CTNNA3: variants seen among roughly 807,000 people sequenced by gnomAD.
CTNNA3 encodes the protein catenin alpha-3.
In CTNNA3, 76 loss-of-function variants were observed where a neutral mutation model predicts 95.7. The observed-to-expected ratio is 0.79, with a 90% CI of 0.66 to 0.96. The LOEUF is 0.96. Ranked by LOEUF, CTNNA3 falls within the 40% of genes least tolerant of loss-of-function variation. The probability of loss-of-function intolerance (pLI) is 0.00; values close to 1 mark genes in which losing one functional copy is unlikely to be tolerated. For synonymous variants in CTNNA3, 431 were observed against 374.4 expected, an observed-to-expected ratio of 1.15 and a Z score of -1.74; for missense variants, 1,191 against 1,089.8, an observed-to-expected ratio of 1.09 and a Z score of -1.31.
chr10:67,048,555 A>G (rs931725646), intron 7 of CTNNA3, among the ~76,000 whole-genome samples: 6 of 152,048 alleles, frequency 3.9e-5, no homozygotes, highest in Admixed American at 2.6e-4. Context: ...ATATCAAAAT[A>G]CCTTAAGGAC....
upstream of CTNNA3, among the ~76,000 whole-genome samples, chr10:67,700,125 T>G: frequency 6.6e-6 from 1 of 152,052 alleles, no homozygotes; most frequent in Non-Finnish European, 1.5e-5. Context: ...GCCAGGAAGC[T>G]CGAAATGGGT....
At chr10:66,534,167 C>T (rs1035534614) in intron 10 of CTNNA3, among the ~76,000 whole-genome samples, 1 of 151,994 alleles carries the variant, frequency 6.6e-6, no homozygotes, top group Admixed American at 6.6e-5. Context: ...AACTGTTATG[C>T]TCAAAAACTG....
At chr10:67,130,202 G>T (rs1859924490) in intron 7 of CTNNA3, among the ~76,000 whole-genome samples, 1 of 151,992 alleles carries the variant, frequency 6.6e-6, no homozygotes, top group Admixed American at 6.6e-5. Context: ...TACTAAGAGT[G>T]CCATCTTTCT....
rs150938773 is a variant in CTNNA3, at chr10:66,577,943, C to G, written c.1374+43749G>C. On this transcript the variant is annotated intron_variant, in intron 10 of 17. Transcript: ENST00000433211. ...GTCACTTTAACAATTCTGATTCTTC[C>G]TATCCATGGAATAGGAAGAATATTT... Among the ~76,000 whole-genome samples, 3 of 152,036 alleles carry G rather than the reference C, an allele frequency of 2.0e-5. No homozygotes were observed. In the East Asian group the frequency reaches 5.8e-4, roughly 29 times the overall value.
At chr10:67,512,877 C>A (rs955983299) in intron 5 of CTNNA3, among the ~76,000 whole-genome samples, 6 of 151,892 alleles carry the variant, frequency 4.0e-5, no homozygotes, top group African/African-American at 1.5e-4. Context: ...CCCAGCTACT[C>A]GGGAAGCGGA....
chr10:66,601,673 A>C (rs1843928657), intron 10 of CTNNA3, among the ~76,000 whole-genome samples: 2 of 152,068 alleles, frequency 1.3e-5, no homozygotes, highest in East Asian at 3.9e-4. Flanking sequence ...CCAAAATGAC[A>C]AATCTTATTT....
chr10:67,132,130 T>C (rs559939480), intron 7 of CTNNA3, among the ~76,000 whole-genome samples: 31 of 152,122 alleles, frequency 2.0e-4, no homozygotes, highest in Non-Finnish European at 3.7e-4. Context: ...ATAGGTCTGA[T>C]AGGCCAATAG....
intron 3 of CTNNA3, among the ~76,000 whole-genome samples, chr10:67,562,801 CA>C (rs1325142656): frequency 6.6e-6 from 1 of 152,106 alleles, no homozygotes; most frequent in Non-Finnish European, 1.5e-5. Context: ...TCTCAGGATA[CA>C]AAATCAATGT....
chr10:65,979,035 G>A (rs1301140166), intron 16 of CTNNA3, among the ~76,000 whole-genome samples: 1 of 152,078 alleles, frequency 6.6e-6, no homozygotes, highest in Non-Finnish European at 1.5e-5. Flanking sequence ...TTATAATTGG[G>A]AAAGTATGGT....
chr10:67,292,819 G>T (rs1034036085), intron 5 of CTNNA3, among the ~76,000 whole-genome samples: 6 of 152,088 alleles, frequency 3.9e-5, no homozygotes, highest in Admixed American at 6.6e-5. Flanking sequence ...ACAAATCATT[G>T]TGGTTTGAGA....
chr10:67,251,657 G>A (rs1011719937), intron 5 of CTNNA3, among the ~76,000 whole-genome samples: 2 of 152,120 alleles, frequency 1.3e-5, no homozygotes, highest in East Asian at 1.9e-4. Flanking sequence ...ATCAAGGGAC[G>A]GGGGTTGGAA....
intron 9 of CTNNA3, among the ~76,000 whole-genome samples, chr10:66,690,915 T>C (rs946604025): frequency 5.3e-5 from 8 of 152,184 alleles, no homozygotes; most frequent in African/African-American, 9.7e-5. Flanking sequence ...TCCACAATGG[T>C]TGAACTAGTT....
chr10:67,743,014 C>G (rs1401648545), intron 1 of CTNNA3, among the ~76,000 whole-genome samples: 7 of 151,294 alleles, frequency 4.6e-5, no homozygotes. Context: ...TAATCAATAG[C>G]TTACCAACCA....
intron 14 of CTNNA3, among the ~76,000 whole-genome samples, chr10:66,082,510 G>T (rs2080804299): frequency 6.6e-6 from 1 of 152,024 alleles, no homozygotes; most frequent in Admixed American, 6.6e-5. Flanking sequence ...ATAAAATGTT[G>T]AATCCTAGAA....
At position 67,049,824 on chromosome 10, in the gene CTNNA3, G is replaced by T. The variant is rs562534245; in HGVS notation, c.1047+130493C>A. On this transcript the variant is annotated intron_variant, in intron 7 of 17. Transcript: ENST00000433211. Reference sequence around the variant, plus strand: ...AGATTAAATGTAGGTATGTGCATGTGTTTTATATATATTACAAATATAGTA... The same window carrying T: ...AGATTAAATGTAGGTATGTGCATGTTTTTTATATATATTACAAATATAGTA... 4.6e-5 allele frequency among the ~76,000 whole-genome samples: 7 copies of T among 152,068 alleles called. No homozygotes were observed. The South Asian group carries it at 1.5e-3, about 32-fold the overall frequency.
At chr10:66,432,755 T>A (rs2093307789) in intron 11 of CTNNA3, among the ~76,000 whole-genome samples, 1 of 151,936 alleles carries the variant, frequency 6.6e-6, no homozygotes, top group Admixed American at 6.6e-5. Context: ...GATGCACCCA[T>A]CAACTCATCA....
intron 13 of CTNNA3, among the ~76,000 whole-genome samples, chr10:66,212,541 T>A (rs1171661300): frequency 1.3e-5 from 2 of 152,154 alleles, no homozygotes; most frequent in African/African-American, 2.4e-5. Context: ...TTCTGCTTAA[T>A]CTTTTTTTTG....
chr10:66,722,377 C>CA (rs34164580), intron 9 of CTNNA3, among the ~76,000 whole-genome samples: 3,461 of 137,378 alleles, frequency 0.025, 154 homozygotes, highest in East Asian at 0.22. Context: ...GACCCTGTCT[C>CA]AAAAAAAAAA....
intron 7 of CTNNA3, among the ~76,000 whole-genome samples, chr10:67,156,229 A>G (rs913569287): frequency 1.3e-5 from 2 of 151,692 alleles, no homozygotes; most frequent in African/African-American, 4.8e-5. Context: ...CAAAAAAACC[A>G]TCTCTTAGTT....
Sources: gnomAD v4.1 joint callset for allele counts (sites outside exome capture counted in the v4.1 genomes callset) on GRCh38, gnomAD v4.1.1 for gene constraint, MANE v1.5 for transcripts, NCBI Gene and HGNC (gene_info 2026-07-23, HGNC 2026-07-21) for gene names.